PHF3: variants seen among roughly 807,000 people sequenced by gnomAD.
PHF3 encodes PHD finger protein 3.
PHF3 carries 41 observed loss-of-function variants against 178.4 expected under a neutral mutation model. That is an observed-to-expected ratio of 0.23 (90% CI 0.18 to 0.30). PHF3 has a LOEUF of 0.30. Ranked by LOEUF, PHF3 falls within the 10% of genes least tolerant of loss-of-function variation. The pLI, the probability that PHF3 is intolerant of heterozygous loss-of-function variation, is 1.00. For missense variants in PHF3, 2,346 were observed against 2,398.1 expected, an observed-to-expected ratio of 0.98 and a Z score of 0.45; for synonymous variants, 842 against 800.5, an observed-to-expected ratio of 1.05 and a Z score of -0.88.
At chr6:63,705,969 G>A in intron 11 of PHF3, 60 bp from the exon 12 acceptor site, 1 of 1,308,352 alleles carries the variant, frequency 7.6e-7, no homozygotes, top group South Asian at 1.5e-5. Flanking sequence ...AAGTGAAAAT[G>A]GGTTAAGTTA....
chr6:63,658,147 A>C (rs1765314810), intron 2 of PHF3, among the ~76,000 whole-genome samples: 1 of 152,236 alleles, frequency 6.6e-6, no homozygotes, highest in Non-Finnish European at 1.5e-5. Flanking sequence ...CCTTATGTCT[A>C]GCCCAGCTCA....
intron 1 of PHF3, among the ~76,000 whole-genome samples, chr6:63,644,309 A>C (rs1235366895): frequency 6.6e-6 from 1 of 152,216 alleles, no homozygotes; most frequent in Non-Finnish European, 1.5e-5. Flanking sequence ...AAATGAATTC[A>C]TTGGTAGTTC....
At chr6:63,640,131 T>C (rs1052423856) in intron 1 of PHF3, among the ~76,000 whole-genome samples, 3 of 152,222 alleles carry the variant, frequency 2.0e-5, no homozygotes, top group Non-Finnish European at 4.4e-5. Context: ...GTCTTGCCAA[T>C]AGATTCTAAC....
intron 2 of PHF3, among the ~76,000 whole-genome samples, chr6:63,647,846 A>T (rs763360398): frequency 6.6e-6 from 1 of 152,194 alleles, no homozygotes; most frequent in Non-Finnish European, 1.5e-5. Flanking sequence ...TGGAACAGTA[A>T]GGTTTTCCCT....
Position 63,721,588 on chromosome 6 carries a change from G to A in PHF3, c.*7880G>A. On this transcript the variant is annotated 3_prime_UTR_variant, in exon 16 of 16. Transcript: ENST00000262043. The stretch of plus-strand genomic sequence containing the variant: ...ATATAGAAGTCTGTATTTGTGTCCA[G>A]AGAACTCATTTTAGTGGAGGCCTTT... The A allele has an allele frequency of 6.4e-7, 1 of 1,551,668 alleles. No individual in the cohort carries two copies. Among genetic ancestry groups the A allele is most frequent in the South Asian group, 1.2e-5 (1 of 84,052 alleles).
In PHF3 at chr6:63,720,670, G is replaced by T; in HGVS notation, c.*6962G>T. 1 of 1,538,936 alleles carries T rather than the reference G, an allele frequency of 6.5e-7. No homozygotes were observed. The highest frequency in any genetic ancestry group is 8.8e-7 in the Non-Finnish European group (1 of 1,142,254). ...AATTTAATTAGTTCAATGTTTTTTG[G>T]TTCCTGAAAAAATACAACATCTTTA... On this transcript the variant is annotated 3_prime_UTR_variant, in exon 16 of 16. Coordinates refer to ENST00000262043, the MANE Select transcript of PHF3 (RefSeq NM_001370348.2).
Position 63,684,256 on chromosome 6 carries a change from G to C in PHF3, c.534G>C (p.Arg178Ser). The change falls in exon 4 of 16, where the codon AGG becomes AGC. Residue 178 changes from arginine (R) to serine (S), a missense_variant. Coordinates refer to ENST00000262043, the MANE Select transcript of PHF3 (RefSeq NM_001370348.2). Reference protein sequence around the residue: ...TAKAGVKQPERSQVKEEVCMS... With the variant: ...TAKAGVKQPESSQVKEEVCMS... ...AAGCAGGAGTGAAACAACCAGAAAG[G>C]AGTCAGGTTAAAGAAGAAGTATGTA... 6.2e-7 allele frequency: 1 copy of C among 1,613,900 alleles called. No homozygotes were observed. Among genetic ancestry groups the C allele is most frequent in the Non-Finnish European group, 8.5e-7 (1 of 1,179,804 alleles).
rs574256127 is a variant in PHF3 at position 63,711,197 on chromosome 6, A to T, written c.3832A>T (p.Thr1278Ser). 1.3e-5 allele frequency: 21 copies of T among 1,608,646 alleles called. No individual in the cohort carries two copies. The highest frequency in any genetic ancestry group is 1.7e-5 in the Non-Finnish European group (20 of 1,177,614). Residue 1278 changes from threonine (T) to serine (S), a missense_variant, in exon 15 of 16, where the codon ACT (threonine) becomes TCT (serine). Around this residue, in one of 8 missense-constraint regions of PHF3, gnomAD observed 90 missense variants for 136.6 expected, o/e 0.66. Transcript: ENST00000262043. ...EICVVRFTPV[T>S]EEDQISYTLL... ...TTGTGTGGTTCGCTTCACACCAGTAACTGAAGAAGATCAAATTTCTTATAC... is the reference window on the plus strand; with the variant it reads ...TTGTGTGGTTCGCTTCACACCAGTATCTGAAGAAGATCAAATTTCTTATAC...
At chr6:63,671,099 C>T (rs1026897047) in intron 2 of PHF3, among the ~76,000 whole-genome samples, 47 of 150,086 alleles carry the variant, frequency 3.1e-4, no homozygotes, top group Non-Finnish European at 5.3e-4. Flanking sequence ...ATAAGATGGT[C>T]GAGCTGCTTT....
At chr6:63,650,630 C>T (rs546740530) in intron 2 of PHF3, among the ~76,000 whole-genome samples, 34 of 152,214 alleles carry the variant, frequency 2.2e-4, no homozygotes, top group African/African-American at 7.7e-4. Flanking sequence ...GATTTAGTCC[C>T]TTTTTTGGCA....
At chr6:63,653,533 A>G (rs1561942636) in intron 2 of PHF3, among the ~76,000 whole-genome samples, 1 of 152,036 alleles carries the variant, frequency 6.6e-6, no homozygotes, top group African/African-American at 2.4e-5. Flanking sequence ...TTGTATGTTT[A>G]TTTTGTATCC....
At chr6:63,692,123 C>A in intron 5 of PHF3, 80 bp downstream of exon 5, 2 of 996,696 alleles carry the variant, frequency 2.0e-6, no homozygotes, top group Non-Finnish European at 2.9e-6. Context: ...TGAAATTTCT[C>A]TTTAGAAGTT....
chr6:63,720,796 G>C lies in PHF3; in HGVS notation c.*7088G>C, dbSNP rs760931603. The C allele has an allele frequency of 1.4e-5, 21 of 1,550,800 alleles. No homozygotes were observed. Among genetic ancestry groups the C allele is most frequent in the South Asian group, 2.4e-5 (2 of 84,032 alleles). ...AGATAACAAATGCCATCATAGTTTA[G>C]AGCCACAAAGTTTTTATGTGGATCA... On this transcript the variant is annotated 3_prime_UTR_variant, in exon 16 of 16. Transcript: ENST00000262043.
Position 63,720,542 on chromosome 6 carries a change from CTA to C in PHF3, c.*6836_*6837del. The C allele has an allele frequency of 7.8e-7, 1 of 1,284,092 alleles. No homozygotes were observed. Among genetic ancestry groups the C allele is most frequent in the African/African-American group, 1.5e-5 (1 of 66,224 alleles). 79.5% of individuals were successfully genotyped at this position (1,284,092 alleles called of 1,614,324 possible). A position where few individuals can be genotyped will look rare whatever the true frequency, so the allele number is the denominator to read the frequency against. ...CGTAAGCAATGTATCAAAGAAATAA[CTA>C]TCAAAATAACTGCATTTATGTATAG... On this transcript the variant is annotated 3_prime_UTR_variant, in exon 16 of 16. Transcript: ENST00000262043.
chr6:63,660,943 C>T (rs1050061789), intron 2 of PHF3, among the ~76,000 whole-genome samples: 1 of 152,178 alleles, frequency 6.6e-6, no homozygotes, highest in Non-Finnish European at 1.5e-5. Context: ...CCCTGTGGAA[C>T]TTGAGGAGAC....
intron 2 of PHF3, among the ~76,000 whole-genome samples, chr6:63,673,606 G>C (rs1182618524): frequency 6.6e-6 from 1 of 152,066 alleles, no homozygotes; most frequent in African/African-American, 2.4e-5. Flanking sequence ...CTAATTTCTG[G>C]CTCAGATTTC....
Position 63,723,991 on chromosome 6 carries a change from A to G in PHF3, c.*10283A>G, listed in dbSNP as rs1348015922. ...GCCGGCTAATTTTTGTATTTTGGGT[A>G]GAGCGAGGTTTTACCATGTTGGCCA... On this transcript the variant is annotated 3_prime_UTR_variant, in exon 16 of 16. Transcript: ENST00000262043. Among the ~76,000 whole-genome samples, 7 of 152,100 alleles carry G rather than the reference A, an allele frequency of 4.6e-5. No homozygotes were observed. The South Asian group carries it at 1.0e-3, about 23-fold the overall frequency.
rs139858719 is a variant in PHF3 at position 63,705,600 on chromosome 6, G to A, written c.3368-429G>A. ...AAACCATCTCTCCCCTCATCCCACC[G>A]TCCATGGGAAAATTGTCTTCCATGA... On this transcript the variant is annotated intron_variant, in intron 11 of 15. Coordinates refer to ENST00000262043, the MANE Select transcript of PHF3 (RefSeq NM_001370348.2). 7.0e-3 allele frequency among the ~76,000 whole-genome samples: 1,063 copies of A among 152,258 alleles called. 5 individuals carry two copies. The highest frequency in any genetic ancestry group is 0.014 in the Middle Eastern group (4 of 294).
At chr6:63,671,620 G>A (rs1486809592) in intron 2 of PHF3, among the ~76,000 whole-genome samples, 1 of 152,164 alleles carries the variant, frequency 6.6e-6, no homozygotes, top group Non-Finnish European at 1.5e-5. Context: ...CAGAGAAATA[G>A]CAAATGAAGG....
Sources: allele counts gnomAD v4.1 joint callset (sites outside exome capture counted in the v4.1 genomes callset), GRCh38; gene constraint gnomAD v4.1.1; regional missense constraint gnomAD v4.1.1; transcripts MANE v1.5; gene names NCBI Gene and HGNC (gene_info 2026-07-23, HGNC 2026-07-21).